Variants in SRSF4 observed in about 807,000 individuals in gnomAD.
SRSF4 encodes serine and arginine rich splicing factor 4, also known as serine/arginine-rich splicing factor 4.
Under a neutral mutation model 48.8 loss-of-function variants are expected in SRSF4, and 12 were observed. The ratio of observed to expected loss-of-function variants is 0.25; its 90% CI spans 0.16 to 0.40. The LOEUF (loss-of-function observed/expected upper bound fraction) is 0.40. Among genes scored for constraint, SRSF4 ranks in the 10% least tolerant of loss-of-function variants. The pLI is 1.00. For synonymous variants in SRSF4, 248 were observed against 232.5 expected (o/e 1.07, Z -0.61); for missense variants, 466 against 667.1 (o/e 0.70, Z 3.32).
rs1329733773 is a variant in SRSF4, at chr1:29,149,172, C to T, written c.723G>A (p.Arg241=). The T allele has an allele frequency of 2.5e-6, 4 of 1,606,710 alleles. No individual in the cohort carries two copies. The highest frequency in any genetic ancestry group is 2.2e-5 in the South Asian group (2 of 90,684). Residue 241 remains arginine (R), a synonymous_variant, in exon 6 of 6, where the codon CGG becomes CGA. Transcript: ENST00000373795. The part of the protein sequence containing the change: ...KSRSRSQSRS[R]SKKEKSRSPS... ...GGCTCCTGCTTTTCTCTTTCTTGCT[C>T]CGGCTCCGACTCTGGCTCCGGCTCC...
intron 3 of SRSF4, among the ~76,000 whole-genome samples, chr1:29,159,108 A>ACAAACCAAAC (rs6143174): frequency 0.044 from 6,517 of 148,478 alleles, 166 homozygotes; most frequent in Admixed American, 0.056. Context: ...TCCATCTCAA[A>ACAAACCAAAC]CAAACCAAAC....
chr1:29,173,796 C>A (rs1035257179), intron 1 of SRSF4, among the ~76,000 whole-genome samples: 1 of 151,792 alleles, frequency 6.6e-6, no homozygotes, highest in Non-Finnish European at 1.5e-5. Flanking sequence ...AATAGACAAG[C>A]CTTAAAGGCT....
intron 1 of SRSF4, among the ~76,000 whole-genome samples, chr1:29,175,012 GAGAC>G (rs1196199532): frequency 2.0e-5 from 3 of 149,872 alleles, no homozygotes; most frequent in Admixed American, 1.3e-4. Context: ...GAAAAGAAGA[GAGAC>G]AGAGTGCGTG....
chr1:29,153,559 G>C (rs1298737104), intron 4 of SRSF4, among the ~76,000 whole-genome samples: 1 of 152,006 alleles, frequency 6.6e-6, no homozygotes, highest in Admixed American at 6.6e-5. Context: ...GTAGGATCTA[G>C]GGGTCCCAAG....
At chr1:29,166,297 C>T (rs1275438775) in intron 1 of SRSF4, among the ~76,000 whole-genome samples, 1 of 152,142 alleles carries the variant, frequency 6.6e-6, no homozygotes, top group East Asian at 1.9e-4. Flanking sequence ...ACTGATAGGA[C>T]AGTACTAAAA....
At chr1:29,172,751 G>A (rs571395510) in intron 1 of SRSF4, 3 of 152,244 alleles carry the variant, frequency 2.0e-5, no homozygotes. Context: ...TGTGACACAT[G>A]AATTTTATTT....
chr1:29,178,167 T>C (rs970842273), intron 1 of SRSF4, among the ~76,000 whole-genome samples: 1 of 151,872 alleles, frequency 6.6e-6, no homozygotes, highest in Admixed American at 6.6e-5. Flanking sequence ...CCCAAGGTGA[T>C]GGGATTACAG....
intron 1 of SRSF4, 73 bp downstream of exon 1, chr1:29,181,572 TC>T (rs1220559124): frequency 3.8e-5 from 50 of 1,314,924 alleles, no homozygotes; most frequent in Non-Finnish European, 5.2e-5. Flanking sequence ...GGCGTCCCTC[TC>T]CCGTCCCCGC....
chr1:29,166,715 G>A (rs1483132130), intron 1 of SRSF4: 1 of 152,298 alleles, frequency 6.6e-6, no homozygotes, highest in Non-Finnish European at 1.5e-5. Flanking sequence ...ACCTGGAGGA[G>A]GTGGATGACT....
chr1:29,162,537 T>C (rs1672615548), intron 1 of SRSF4, among the ~76,000 whole-genome samples: 1 of 152,170 alleles, frequency 6.6e-6, no homozygotes, highest in Admixed American at 6.5e-5. Context: ...AAAAGTGCCC[T>C]CCTGAATTTA....
intron 1 of SRSF4, among the ~76,000 whole-genome samples, chr1:29,177,446 T>TA: frequency 6.6e-6 from 1 of 152,148 alleles, no homozygotes; most frequent in Non-Finnish European, 1.5e-5. Context: ...GACGCCCGGC[T>TA]AACTTTGTAT....
At chr1:29,176,735 A>C (rs140409532) in intron 1 of SRSF4, among the ~76,000 whole-genome samples, 91 of 152,308 alleles carry the variant, frequency 6.0e-4, no homozygotes, top group Non-Finnish European at 1.1e-3. Context: ...TGAACTCCAC[A>C]TTAAAAAAAT....
chr1:29,161,691 T>G (rs559916760), intron 1 of SRSF4, among the ~76,000 whole-genome samples: 5 of 152,330 alleles, frequency 3.3e-5, no homozygotes, highest in African/African-American at 1.2e-4. Context: ...CTCCACCTCC[T>G]GGGTTCAAGT....
chr1:29,162,235 T>C (rs1489877257), intron 1 of SRSF4, among the ~76,000 whole-genome samples: 1 of 152,230 alleles, frequency 6.6e-6, no homozygotes, highest in Non-Finnish European at 1.5e-5. Context: ...AGGCTAGAAT[T>C]GCTGAGCAGC....
chr1:29,162,776 A>C (rs1286260283), intron 1 of SRSF4, among the ~76,000 whole-genome samples: 1 of 152,244 alleles, frequency 6.6e-6, no homozygotes, highest in East Asian at 1.9e-4. Context: ...AGGATTAAAC[A>C]AACCACAGGA....
At chr1:29,164,001 G>A (rs1413175088) in intron 1 of SRSF4, among the ~76,000 whole-genome samples, 1 of 152,198 alleles carries the variant, frequency 6.6e-6, no homozygotes, top group Non-Finnish European at 1.5e-5. Context: ...GACAGGTTAA[G>A]TGTTAAAATT....
chr1:29,169,678 T>C (rs907865636), intron 1 of SRSF4: 1 of 152,080 alleles, frequency 6.6e-6, no homozygotes. Context: ...TCTCATAAAG[T>C]AAACCAACTG....
intron 1 of SRSF4, among the ~76,000 whole-genome samples, chr1:29,162,044 C>A (rs984386861): frequency 6.6e-6 from 1 of 152,060 alleles, no homozygotes; most frequent in Non-Finnish European, 1.5e-5. Context: ...TAGGTAACAA[C>A]GTTGGAGGGT....
At chr1:29,166,241 C>T (rs1371644986) in intron 1 of SRSF4, among the ~76,000 whole-genome samples, 2 of 152,262 alleles carry the variant, frequency 1.3e-5, no homozygotes, top group South Asian at 2.1e-4. Flanking sequence ...CAGTGATGTC[C>T]TATGCTTCAG....
Sources: allele counts gnomAD v4.1 joint callset (sites outside exome capture counted in the v4.1 genomes callset), GRCh38; gene constraint gnomAD v4.1.1; transcripts MANE v1.5; gene names NCBI Gene and HGNC (gene_info 2026-07-23, HGNC 2026-07-21).